The following ALG14 variants were observed in gnomAD, a reference collection of about 807,000 sequenced individuals.
ALG14 encodes ALG14 UDP-N-acetylglucosaminyltransferase subunit.
ALG14 carries 17 observed loss-of-function variants against 22.8 expected under a neutral mutation model. That is an observed-to-expected ratio of 0.75 (90% CI 0.51 to 1.12). ALG14 has a LOEUF of 1.12. Among genes scored for constraint, ALG14 ranks in the 50% most tolerant of loss-of-function variants. The pLI, the probability that ALG14 is intolerant of heterozygous loss-of-function variation, is 0.00. For missense variants in ALG14, 288 were observed against 271.8 expected (o/e 1.06, Z -0.42); for synonymous variants, 89 against 103.7 (o/e 0.86, Z 0.86).
At chr1:94,997,743 C>T (rs896048639) in intron 3 of ALG14, among the ~76,000 whole-genome samples, 8 of 152,178 alleles carry the variant, frequency 5.3e-5, no homozygotes, top group African/African-American at 1.7e-4. Flanking sequence ...GATCCTAGCA[C>T]GTCTTATATT....
chr1:95,021,624 GC>G (rs1302531824), intron 3 of ALG14, among the ~76,000 whole-genome samples: 1 of 152,116 alleles, frequency 6.6e-6, no homozygotes, highest in Non-Finnish European at 1.5e-5. Flanking sequence ...TTTAAAATAA[GC>G]ACTGAAAGTC....
At chr1:95,046,283 G>T (rs991246742) in intron 2 of ALG14, among the ~76,000 whole-genome samples, 3 of 152,176 alleles carry the variant, frequency 2.0e-5, no homozygotes, top group African/African-American at 7.2e-5. Context: ...GAACCGGGCT[G>T]CACGGCAGCA....
At chr1:95,047,342 ATATT>A (rs1301004704) in intron 2 of ALG14, among the ~76,000 whole-genome samples, 2 of 151,972 alleles carry the variant, frequency 1.3e-5, no homozygotes, top group African/African-American at 4.8e-5. Flanking sequence ...TTTACTTTGT[ATATT>A]TATTTATTTT....
At chr1:95,066,842 C>T (rs956298442) in intron 1 of ALG14, among the ~76,000 whole-genome samples, 1 of 151,456 alleles carries the variant, frequency 6.6e-6, no homozygotes, top group Non-Finnish European at 1.5e-5. Flanking sequence ...GCCTGTGCAA[C>T]AGAGCGAGAC....
rs115514958 is a variant in ALG14 at position 94,986,139 on chromosome 1, T to A, written c.421-2833A>T. ...ATGATTGGAACTGTCTTTTTAATTT[T>A]AAAAAACACAGAAATACTCTTCATA... is the stretch of plus-strand genomic sequence containing the variant. On this transcript the variant is annotated intron_variant, in intron 3 of 3. Transcript: ENST00000370205. Among the ~76,000 whole-genome samples the A allele has an allele frequency of 5.9e-3, 904 of 152,286 alleles. 9 individuals carry two copies. The highest frequency in any genetic ancestry group is 0.021 in the African/African-American group (864 of 41,554).
chr1:95,017,207 A>C (rs1673529011), intron 3 of ALG14, among the ~76,000 whole-genome samples: 1 of 152,064 alleles, frequency 6.6e-6, no homozygotes, highest in Non-Finnish European at 1.5e-5. Flanking sequence ...ATTGAGAAAG[A>C]CCTTGTCCAA....
intron 3 of ALG14, among the ~76,000 whole-genome samples, chr1:94,984,238 C>T (rs1363790884): frequency 1.3e-5 from 2 of 152,162 alleles, no homozygotes; most frequent in African/African-American, 4.8e-5. Context: ...ATTGTCTACA[C>T]ATATCTATTG....
At chr1:95,060,715 A>T (rs9437665) in intron 2 of ALG14, among the ~76,000 whole-genome samples, 48,925 of 150,278 alleles carry the variant, frequency 0.33, 9,971 homozygotes, top group Middle Eastern at 0.44. Context: ...GACTCTGTTT[A>T]AAAAAAAAAC....
chr1:94,991,375 T>C (rs1228545335), intron 3 of ALG14, among the ~76,000 whole-genome samples: 3 of 152,234 alleles, frequency 2.0e-5, no homozygotes. Flanking sequence ...CTACGCTAAA[T>C]TGTATAGCCT....
In ALG14 at chr1:94,977,895, T is replaced by C. The variant is rs148224960; in HGVS notation, c.*5181A>G. 0.059 allele frequency: 8,969 copies of C among 152,090 alleles called. 420 individuals carry two copies. The highest frequency in any genetic ancestry group is 0.12 in the African/African-American group (5,090 of 41,452). The allele number at this position is 152,090 out of a possible 1,614,324, so 9.4% of individuals were successfully genotyped here. A position where few individuals can be genotyped will look rare whatever the true frequency, so the allele number is the denominator to read the frequency against. ...CAAACTCCTGGGCTCAGGTGATCCA[T>C]CCACCTCGGCCTCCCAAAGTGCTGG... On this transcript the variant is annotated 3_prime_UTR_variant, in exon 4 of 4. Coordinates refer to ENST00000370205, the MANE Select transcript of ALG14 (RefSeq NM_144988.4).
intron 1 of ALG14, among the ~76,000 whole-genome samples, chr1:95,072,170 G>C (rs552481983): frequency 9.7e-4 from 147 of 152,290 alleles, no homozygotes; most frequent in Non-Finnish European, 1.9e-3. Context: ...TTTACATTGT[G>C]TCTGTGTGTG....
At chr1:95,001,020 A>G (rs1673050848) in intron 3 of ALG14, among the ~76,000 whole-genome samples, 1 of 152,242 alleles carries the variant, frequency 6.6e-6, no homozygotes, top group Non-Finnish European at 1.5e-5. Flanking sequence ...CCATATTTTA[A>G]GGTGAGAAAA....
intron 2 of ALG14, among the ~76,000 whole-genome samples, chr1:95,051,055 T>A (rs539101119): frequency 5.9e-5 from 9 of 152,018 alleles, no homozygotes; most frequent in African/African-American, 2.2e-4. Context: ...TCTTATCTAG[T>A]TTCTTGTTTT....
chr1:95,015,634 G>A (rs1553226884), intron 3 of ALG14, among the ~76,000 whole-genome samples: 1 of 152,160 alleles, frequency 6.6e-6, no homozygotes, highest in Non-Finnish European at 1.5e-5. Context: ...GGGTTTGGAC[G>A]GATGTCCTTG....
chr1:95,002,247 G>GC (rs1359027534), intron 3 of ALG14, among the ~76,000 whole-genome samples: 1 of 152,014 alleles, frequency 6.6e-6, no homozygotes, highest in Non-Finnish European at 1.5e-5. Context: ...AAGTACCTGG[G>GC]GGGGGGAACC....
At chr1:95,012,485 T>C (rs1439991313) in intron 3 of ALG14, among the ~76,000 whole-genome samples, 12 of 152,128 alleles carry the variant, frequency 7.9e-5, no homozygotes, top group Admixed American at 7.9e-4. Context: ...TGCAGTGGAG[T>C]CCAATAAGAT....
intron 3 of ALG14, among the ~76,000 whole-genome samples, chr1:94,993,153 T>C (rs1410982264): frequency 2.0e-5 from 3 of 149,132 alleles, no homozygotes; most frequent in Non-Finnish European, 4.4e-5. Context: ...TCTCTTTGTC[T>C]TCCAGTCTTA....
intron 3 of ALG14, among the ~76,000 whole-genome samples, chr1:95,013,137 T>TA (rs909336287): frequency 2.8e-4 from 41 of 147,078 alleles, no homozygotes; most frequent in South Asian, 1.1e-3. Flanking sequence ...AAAGAAACAA[T>TA]AAAAAAAAAC....
chr1:95,015,458 T>C (rs1047666139), intron 3 of ALG14, among the ~76,000 whole-genome samples: 3 of 152,176 alleles, frequency 2.0e-5, no homozygotes, highest in African/African-American at 7.2e-5. Context: ...AATTAAATGC[T>C]AAGCTCTAAG....
Sources: allele counts gnomAD v4.1 joint callset (sites outside exome capture counted in the v4.1 genomes callset), GRCh38; gene constraint gnomAD v4.1.1; transcripts MANE v1.5; gene names NCBI Gene and HGNC (gene_info 2026-07-23, HGNC 2026-07-21).